SUCLG2: variants seen among roughly 807,000 people sequenced by gnomAD.
SUCLG2 encodes succinate--CoA ligase [GDP-forming] subunit beta, mitochondrial.
SUCLG2 carries 42 observed loss-of-function variants against 47.9 expected under a neutral mutation model. That is an observed-to-expected ratio of 0.88 (90% CI 0.69 to 1.14). SUCLG2 has a LOEUF of 1.14. Ranked by LOEUF, SUCLG2 falls within the 50% of genes most tolerant of loss-of-function variation. The probability of loss-of-function intolerance (pLI) is 0.00; values close to 1 mark genes in which losing one functional copy is unlikely to be tolerated. For missense variants in SUCLG2, 571 were observed against 525.9 expected (o/e 1.09, Z -0.84); for synonymous variants, 195 against 197.3 (o/e 0.99, Z 0.10).
intron 2 of SUCLG2, among the ~76,000 whole-genome samples, chr3:67,577,557 G>T (rs567809589): frequency 3.3e-5 from 5 of 152,302 alleles, no homozygotes; most frequent in African/African-American, 1.2e-4. Context: ...CTAAATAAAA[G>T]ACTTTTCATA....
chr3:67,393,602 C>G (rs1163349583), intron 10 of SUCLG2, among the ~76,000 whole-genome samples: 2 of 152,200 alleles, frequency 1.3e-5, no homozygotes, highest in African/African-American at 4.8e-5. Context: ...AGGGCACAGA[C>G]AAACAAAAAG....
At chr3:67,367,954 A>C (rs1442671181) in intron 10 of SUCLG2, among the ~76,000 whole-genome samples, 2 of 152,216 alleles carry the variant, frequency 1.3e-5, no homozygotes, top group Non-Finnish European at 2.9e-5. Context: ...ATATATTATG[A>C]ACATTCTTTC....
chr3:67,555,116 T>A (rs1392223488), intron 2 of SUCLG2, among the ~76,000 whole-genome samples: 3 of 151,930 alleles, frequency 2.0e-5, no homozygotes, highest in Non-Finnish European at 4.4e-5. Context: ...TAACAGTAAA[T>A]TAAGGAAATA....
chr3:67,379,425 C>T (rs541740821), intron 10 of SUCLG2, among the ~76,000 whole-genome samples: 5 of 152,230 alleles, frequency 3.3e-5, no homozygotes, highest in African/African-American at 9.6e-5. Flanking sequence ...AGTTTTTTAT[C>T]ACGGTTCCCA....
At chr3:67,445,652 G>GAAA (rs1703910647) in intron 9 of SUCLG2, among the ~76,000 whole-genome samples, 2 of 15,758 alleles carry the variant, frequency 1.3e-4, no homozygotes, top group Non-Finnish European at 2.6e-4. Context: ...AAAAGAAAAT[G>GAAA]AAAGCTGCAA....
In SUCLG2 at chr3:67,651,725, G is replaced by T. The variant is rs372109922; in HGVS notation, c.84+2778C>A. ...TCAGTTTATGAAAATTCATCAAGTT[G>T]TTCATTTGTAATTGTTCATTTTTCA... On this transcript the variant is annotated intron_variant, in intron 1 of 10. Coordinates refer to ENST00000307227, the MANE Select transcript of SUCLG2 (RefSeq NM_003848.4). Among the ~76,000 whole-genome samples, 7 of 152,200 alleles carry T rather than the reference G, an allele frequency of 4.6e-5. No homozygotes were observed. In the East Asian group the frequency reaches 1.2e-3, roughly 25 times the overall value.
intron 9 of SUCLG2, among the ~76,000 whole-genome samples, chr3:67,451,108 C>T (rs569830602): frequency 6.6e-6 from 1 of 152,272 alleles, no homozygotes; most frequent in African/African-American, 2.4e-5. Flanking sequence ...TATAACTGAA[C>T]AACTCAACAC....
intron 10 of SUCLG2, among the ~76,000 whole-genome samples, chr3:67,364,906 T>G (rs1120653): frequency 6.6e-6 from 1 of 152,048 alleles, no homozygotes; most frequent in Admixed American, 6.5e-5. Flanking sequence ...TGGCACTGAA[T>G]AGTTATGAAC....
At chr3:67,442,392 T>C (rs977365313) in intron 9 of SUCLG2, among the ~76,000 whole-genome samples, 7 of 152,170 alleles carry the variant, frequency 4.6e-5, no homozygotes, top group African/African-American at 1.7e-4. Context: ...GGCATCAGTA[T>C]TGGCCTGAAG....
At chr3:67,516,225 G>A (rs913308676) in intron 6 of SUCLG2, among the ~76,000 whole-genome samples, 1 of 152,050 alleles carries the variant, frequency 6.6e-6, no homozygotes, top group Non-Finnish European at 1.5e-5. Flanking sequence ...TCCTTTCCTC[G>A]ATAAATTAAT....
At chr3:67,552,497 T>C (rs1707044047) in intron 2 of SUCLG2, among the ~76,000 whole-genome samples, 1 of 152,246 alleles carries the variant, frequency 6.6e-6, no homozygotes, top group Non-Finnish European at 1.5e-5. Context: ...GTAAAGGCAA[T>C]ACTGGCTGGT....
intron 1 of SUCLG2, among the ~76,000 whole-genome samples, chr3:67,632,329 C>T (rs564344921): frequency 2.6e-5 from 4 of 152,210 alleles, no homozygotes; most frequent in African/African-American, 7.2e-5. Context: ...ACTACAGGCA[C>T]GCACCACCAC....
intron 4 of SUCLG2, among the ~76,000 whole-genome samples, chr3:67,520,884 T>C (rs1192875326): frequency 6.6e-6 from 1 of 152,178 alleles, no homozygotes; most frequent in Non-Finnish European, 1.5e-5. Context: ...ACCTTCCCAC[T>C]TTAATCTTCT....
intron 7 of SUCLG2, among the ~76,000 whole-genome samples, chr3:67,500,494 T>G (rs1013732758): frequency 2.9e-5 from 4 of 137,234 alleles, no homozygotes; most frequent in Admixed American, 1.4e-4. Flanking sequence ...CCACACATTG[T>G]GAATGGTTGG....
intron 9 of SUCLG2, among the ~76,000 whole-genome samples, chr3:67,433,821 T>C (rs997768534): frequency 2.0e-5 from 3 of 152,056 alleles, no homozygotes; most frequent in African/African-American, 7.2e-5. Context: ...AAAAAACTTA[T>C]TTGCACAGAG....
intron 2 of SUCLG2, among the ~76,000 whole-genome samples, chr3:67,543,746 A>T (rs960043690): frequency 1.4e-4 from 22 of 152,214 alleles, no homozygotes; most frequent in African/African-American, 5.3e-4. Context: ...TTATGGGTAC[A>T]ACATTATATC....
At chr3:67,380,682 G>T (rs1474834653) in intron 10 of SUCLG2, among the ~76,000 whole-genome samples, 1 of 98,296 alleles carries the variant, frequency 1.0e-5, no homozygotes, top group African/African-American at 3.6e-5. Flanking sequence ...AAGGGGAAAG[G>T]GGGGTAGAGA....
chr3:67,388,268 T>C (rs1702302149), intron 10 of SUCLG2, among the ~76,000 whole-genome samples: 3 of 152,224 alleles, frequency 2.0e-5, no homozygotes, highest in Non-Finnish European at 4.4e-5. Context: ...CTATTATAGC[T>C]CCTCTCTTAC....
intron 9 of SUCLG2, among the ~76,000 whole-genome samples, chr3:67,481,945 G>A (rs1394272353): frequency 3.9e-5 from 6 of 152,176 alleles, no homozygotes; most frequent in African/African-American, 9.7e-5. Context: ...TTGTGAGGCC[G>A]AGGCGGGCGG....
Sources: gnomAD v4.1 joint callset for allele counts (sites outside exome capture counted in the v4.1 genomes callset) on GRCh38, gnomAD v4.1.1 for gene constraint, MANE v1.5 for transcripts, NCBI Gene and HGNC (gene_info 2026-07-23, HGNC 2026-07-21) for gene names.